Variants in TDRD5 observed in about 807,000 individuals in gnomAD.
TDRD5 encodes the protein tudor domain-containing protein 5.
In TDRD5, 41 loss-of-function variants were observed where a neutral mutation model predicts 120.6. The ratio of observed to expected loss-of-function variants is 0.34; its 90% CI spans 0.26 to 0.44. The LOEUF (loss-of-function observed/expected upper bound fraction) is 0.44. Among genes scored for constraint, TDRD5 ranks in the 20% least tolerant of loss-of-function variants. TDRD5 has a pLI of 1.00. For missense variants in TDRD5, 1,006 were observed against 1,221.2 expected, an observed-to-expected ratio of 0.82 and a Z score of 2.63; for synonymous variants, 430 against 433.7, an observed-to-expected ratio of 0.99 and a Z score of 0.11.
intron 3 of TDRD5, among the ~76,000 whole-genome samples, chr1:179,594,548 A>G (rs187321814): frequency 1.0e-3 from 153 of 152,384 alleles, no homozygotes; most frequent in Admixed American, 4.6e-3. Context: ...TGCTGTGTCT[A>G]TTAAAGGCTC....
At chr1:179,645,719 TTCAG>T (rs1216663912) in intron 11 of TDRD5, among the ~76,000 whole-genome samples, 4 of 152,184 alleles carry the variant, frequency 2.6e-5, no homozygotes, top group Non-Finnish European at 4.4e-5. Context: ...CTTCCTATAG[TTCAG>T]TCAGTTTTTA....
rs191049419 is a variant in TDRD5 at position 179,672,450 on chromosome 1, T to A, written c.2860+3046T>A. On this transcript the variant is annotated intron_variant, in intron 17 of 17. Transcript: ENST00000444136. ...TGTCTATTCAAGTCCTTTGGGATTG[T>A]TTCATTTTTTCTTGCTGAGTTCTTT... Among the ~76,000 whole-genome samples, 964 of 152,214 alleles carry A rather than the reference T, an allele frequency of 6.3e-3. 18 individuals are homozygous for A. The highest frequency in any genetic ancestry group is 0.022 in the African/African-American group (925 of 41,548).
intron 17 of TDRD5, among the ~76,000 whole-genome samples, chr1:179,687,426 A>G (rs7545371): frequency 0.4 from 61,181 of 151,972 alleles, 12,464 homozygotes; most frequent in Admixed American, 0.45. Context: ...TATAATTTCT[A>G]TTCTTTTACC....
chr1:179,598,445 A>C (rs73035973), intron 4 of TDRD5, among the ~76,000 whole-genome samples: 1 of 152,166 alleles, frequency 6.6e-6, no homozygotes. Context: ...GGATCTATAG[A>C]TATGTTTGGG....
At chr1:179,623,625 CTTTTTTTTT>C (rs11428251) in intron 6 of TDRD5, among the ~76,000 whole-genome samples, 35 of 97,900 alleles carry the variant, frequency 3.6e-4, no homozygotes, top group African/African-American at 1.2e-3. Context: ...CCAACTCATT[CTTTTTTTTT>C]TTTTTTTTTT....
intron 5 of TDRD5, 72 bp downstream of exon 5, chr1:179,618,754 T>G: frequency 1.8e-6 from 2 of 1,091,932 alleles, no homozygotes; most frequent in Non-Finnish European, 2.6e-6. Context: ...TGGTTGAGTT[T>G]GTCTGCAAGT....
chr1:179,622,273 A>G (rs77282365), intron 6 of TDRD5, among the ~76,000 whole-genome samples: 2,643 of 152,258 alleles, frequency 0.017, 55 homozygotes, highest in African/African-American at 0.059. Flanking sequence ...AGGGTGGCAG[A>G]TTTTGGGTTT....
intron 6 of TDRD5, among the ~76,000 whole-genome samples, chr1:179,621,950 T>G (rs1418478308): frequency 6.6e-6 from 1 of 152,210 alleles, no homozygotes; most frequent in African/African-American, 2.4e-5. Flanking sequence ...TCTTAACTAC[T>G]GTGCCATGAA....
chr1:179,674,494 G>A (rs577717981), intron 17 of TDRD5, among the ~76,000 whole-genome samples: 21 of 152,160 alleles, frequency 1.4e-4, no homozygotes, highest in South Asian at 1.2e-3. Flanking sequence ...ATATTGGTCT[G>A]TAGTTTTTTT....
At chr1:179,674,951 C>G (rs897438627) in intron 17 of TDRD5, among the ~76,000 whole-genome samples, 1 of 152,094 alleles carries the variant, frequency 6.6e-6, no homozygotes, top group African/African-American at 2.4e-5. Flanking sequence ...GTTAATCTCA[C>G]TAATGGTCTT....
chr1:179,675,270 A>ATTTTTTTTTTTTTTT (rs879312785), intron 17 of TDRD5, among the ~76,000 whole-genome samples: 2 of 59,260 alleles, frequency 3.4e-5, no homozygotes, highest in Admixed American at 2.1e-4. Context: ...TATTATTATT[A>ATTTTTTTTTTTTTTT]TTATTTTTTT....
In TDRD5 at chr1:179,593,576, T is replaced by G. The variant is rs755013159; in HGVS notation, c.349T>G (p.Ser117Ala). 1 of 1,614,198 alleles carries G rather than the reference T, an allele frequency of 6.2e-7. No individual in the cohort carries two copies. Among genetic ancestry groups the G allele is most frequent in the East Asian group, 2.2e-5 (1 of 44,882 alleles). ...GRPSIYSGPR[S>A]HRRVPYRGRV... is the part of the protein sequence containing the mutation. ...ACCTAGTATTTATTCTGGACCGAGATCTCATCGGCGAGTACCTTACCGAGG... is the reference window on the plus strand; with the variant it reads ...ACCTAGTATTTATTCTGGACCGAGAGCTCATCGGCGAGTACCTTACCGAGG... The change falls in exon 3 of 18, where the codon TCT becomes GCT. Residue 117 changes from serine (S) to alanine (A), a missense_variant. This residue lies in a region of TDRD5 where 445 missense variants were observed against 515.5 expected (regional missense o/e 0.86). Transcript: ENST00000444136.
chr1:179,681,907 T>C (rs1401115286), intron 17 of TDRD5, among the ~76,000 whole-genome samples: 5 of 64,700 alleles, frequency 7.7e-5, no homozygotes, highest in African/African-American at 1.2e-4. Context: ...CTAGTCTTGT[T>C]CAGTTTCTAA....
intron 4 of TDRD5, among the ~76,000 whole-genome samples, chr1:179,615,549 A>G (rs369151697): frequency 4.6e-5 from 7 of 152,034 alleles, no homozygotes; most frequent in East Asian, 3.9e-4. Flanking sequence ...TTCTAGTTCT[A>G]TCTCATTCGC....
intron 8 of TDRD5, 140 bp downstream of exon 8, chr1:179,634,769 T>G: frequency 9.5e-7 from 1 of 1,052,096 alleles, no homozygotes; most frequent in South Asian, 2.1e-5. Context: ...CATCTTTGTA[T>G]TGAAGTTATG....
chr1:179,681,676 C>G (rs1024037976), intron 17 of TDRD5, among the ~76,000 whole-genome samples: 2 of 151,692 alleles, frequency 1.3e-5, no homozygotes, highest in Non-Finnish European at 2.9e-5. Flanking sequence ...CAGCCACAGA[C>G]AACAGGTAAA....
At chr1:179,669,779 T>C (rs1470182953) in intron 17 of TDRD5, among the ~76,000 whole-genome samples, 1 of 152,208 alleles carries the variant, frequency 6.6e-6, no homozygotes, top group African/African-American at 2.4e-5. Context: ...GTCAGTCCCA[T>C]TGCCTACTTG....
intron 4 of TDRD5, among the ~76,000 whole-genome samples, chr1:179,614,153 A>C (rs939582573): frequency 2.0e-4 from 31 of 152,238 alleles, no homozygotes; most frequent in African/African-American, 7.2e-4. Context: ...AAAAGAAAAT[A>C]AAGATCACCT....
At chr1:179,640,518 G>A in intron 11 of TDRD5, 73 bp downstream of exon 11, 1 of 1,429,992 alleles carries the variant, frequency 7.0e-7, no homozygotes, top group East Asian at 2.3e-5. Flanking sequence ...AGTTTCACAT[G>A]CTCAGGATAT....
Sources: gnomAD v4.1 joint callset for allele counts (sites outside exome capture counted in the v4.1 genomes callset) on GRCh38, gnomAD v4.1.1 for gene constraint, gnomAD v4.1.1 regional missense constraint, MANE v1.5 for transcripts, NCBI Gene and HGNC (gene_info 2026-07-23, HGNC 2026-07-21) for gene names.